The following PSD3 variants were observed in gnomAD, a reference collection of about 807,000 sequenced individuals.
PSD3 encodes PH and SEC7 domain-containing protein 3.
Under a neutral mutation model 105.5 loss-of-function variants are expected in PSD3, and 49 were observed. The observed-to-expected ratio is 0.46, with a 90% CI of 0.37 to 0.59. PSD3 has a LOEUF of 0.59. Among genes scored for constraint, PSD3 ranks in the 20% least tolerant of loss-of-function variants. The pLI, the probability that PSD3 is intolerant of heterozygous loss-of-function variation, is 0.00. For synonymous variants in PSD3, 557 were observed against 457.8 expected, an observed-to-expected ratio of 1.22 and a Z score of -2.77; for missense variants, 1,561 against 1,263.8, an observed-to-expected ratio of 1.24 and a Z score of -3.57.
chr8:19,058,753 A>G (rs772425630), intron 1 of PSD3, among the ~76,000 whole-genome samples: 33 of 152,098 alleles, frequency 2.2e-4, no homozygotes, highest in Non-Finnish European at 3.8e-4. Context: ...TTATCTAGCT[A>G]TTTTTGATGG....
intron 1 of PSD3, among the ~76,000 whole-genome samples, chr8:18,999,835 T>G (rs2129474210): frequency 6.6e-6 from 1 of 151,824 alleles, no homozygotes; most frequent in East Asian, 1.9e-4. Context: ...TACTTAATGA[T>G]TTTATAAATG....
intron 8 of PSD3, among the ~76,000 whole-genome samples, chr8:18,796,895 G>C (rs1810233103): frequency 6.6e-6 from 1 of 152,084 alleles, no homozygotes; most frequent in Admixed American, 6.6e-5. Flanking sequence ...TTAAGGAGAA[G>C]GTGAAAAGGA....
At chr8:18,683,710 G>C in intron 9 of PSD3, 4 of 739,614 alleles carry the variant, frequency 5.4e-6, no homozygotes, top group Non-Finnish European at 9.9e-6. Flanking sequence ...CACTGCCAAA[G>C]ACTATCCAAT....
intron 11 of PSD3, among the ~76,000 whole-genome samples, chr8:18,627,641 G>A (rs1806586478): frequency 6.6e-6 from 1 of 151,854 alleles, no homozygotes. Flanking sequence ...CAGAACAAAG[G>A]GTAAAGGCAA....
upstream of PSD3, among the ~76,000 whole-genome samples, chr8:19,015,681 G>C (rs1827157686): frequency 6.6e-6 from 1 of 152,178 alleles, no homozygotes; most frequent in African/African-American, 2.4e-5. Context: ...TAAGGGACTT[G>C]GGCATAGACA....
At chr8:18,649,753 TG>T (rs898129800) in intron 10 of PSD3, among the ~76,000 whole-genome samples, 2 of 152,234 alleles carry the variant, frequency 1.3e-5, no homozygotes, top group African/African-American at 4.8e-5. Flanking sequence ...GATTGGATCA[TG>T]GGGGAAGATT....
intron 1 of PSD3, among the ~76,000 whole-genome samples, chr8:19,063,460 C>T (rs775669762): frequency 2.0e-5 from 3 of 152,124 alleles, no homozygotes; most frequent in African/African-American, 4.8e-5. Context: ...TAAATGCTTT[C>T]GATTTCCTTA....
chr8:18,825,855 G>A (rs533873647), intron 4 of PSD3, among the ~76,000 whole-genome samples: 182 of 152,184 alleles, frequency 1.2e-3, no homozygotes, highest in Non-Finnish European at 2.3e-3. Flanking sequence ...AAGTTCTTCC[G>A]TATTTCCCCC....
At chr8:18,952,076 G>A (rs1370298954) in intron 1 of PSD3, among the ~76,000 whole-genome samples, 1 of 152,160 alleles carries the variant, frequency 6.6e-6, no homozygotes, top group Non-Finnish European at 1.5e-5. Flanking sequence ...GACAATGCAT[G>A]AACTAAAGAA....
intron 8 of PSD3, among the ~76,000 whole-genome samples, chr8:18,785,208 T>G (rs941258295): frequency 6.6e-6 from 1 of 152,196 alleles, no homozygotes; most frequent in African/African-American, 2.4e-5. Context: ...TTATATTGAT[T>G]GGAAGTGTTT....
At chr8:18,593,064 C>A (rs1417919094) in intron 12 of PSD3, among the ~76,000 whole-genome samples, 3 of 152,150 alleles carry the variant, frequency 2.0e-5, no homozygotes, top group Non-Finnish European at 4.4e-5. Flanking sequence ...TAGGCACGGG[C>A]AAGGACTTCA....
intron 15 of PSD3, among the ~76,000 whole-genome samples, chr8:18,547,749 T>G (rs183328675): frequency 6.6e-6 from 1 of 152,250 alleles, no homozygotes; most frequent in African/African-American, 2.4e-5. Context: ...TTTGACAGTT[T>G]GATTATAATA....
At chr8:18,757,169 G>C (rs1031428645) in intron 9 of PSD3, among the ~76,000 whole-genome samples, 13 of 149,894 alleles carry the variant, frequency 8.7e-5, no homozygotes, top group Non-Finnish European at 1.5e-4. Flanking sequence ...ACATTAACTG[G>C]GATCTGGACG....
chr8:18,602,376 A>T (rs1315571311), intron 11 of PSD3, among the ~76,000 whole-genome samples: 1 of 152,124 alleles, frequency 6.6e-6, no homozygotes, highest in East Asian at 1.9e-4. Context: ...ATGCCCACTA[A>T]GTCAGTTACT....
At chr8:18,999,430 C>A (rs73666779) in intron 1 of PSD3, among the ~76,000 whole-genome samples, 1 of 151,736 alleles carries the variant, frequency 6.6e-6, no homozygotes, top group African/African-American at 2.4e-5. Flanking sequence ...GAAATTCTGC[C>A]CACATGACTG....
intron 1 of PSD3, among the ~76,000 whole-genome samples, chr8:18,983,610 C>T (rs1825349527): frequency 6.6e-6 from 1 of 152,118 alleles, no homozygotes; most frequent in South Asian, 2.1e-4. Flanking sequence ...AGGGGAAGGA[C>T]CAGTCGTGGA....
intron 4 of PSD3, among the ~76,000 whole-genome samples, chr8:18,826,813 G>T (rs1813225104): frequency 6.6e-6 from 1 of 152,178 alleles, no homozygotes; most frequent in Admixed American, 6.5e-5. Context: ...AAAGCCAGAG[G>T]CAGTGTACTT....
At chr8:18,986,009 C>G (rs1196350485) in intron 1 of PSD3, among the ~76,000 whole-genome samples, 3 of 151,930 alleles carry the variant, frequency 2.0e-5, no homozygotes, top group Non-Finnish European at 4.4e-5. Context: ...ATCTAAAATT[C>G]CTAGGTCACA....
intron 11 of PSD3, among the ~76,000 whole-genome samples, chr8:18,604,499 C>T (rs1434415786): frequency 2.7e-5 from 4 of 150,340 alleles, no homozygotes; most frequent in Non-Finnish European, 4.4e-5. Context: ...AAAGAGAAGC[C>T]GAGCATAAAT....
Sources: gnomAD v4.1 joint callset for allele counts (sites outside exome capture counted in the v4.1 genomes callset) on GRCh38, gnomAD v4.1.1 for gene constraint, MANE v1.5 for transcripts, NCBI Gene and HGNC (gene_info 2026-07-23, HGNC 2026-07-21) for gene names.